LIN54: variants seen among roughly 807,000 people sequenced by gnomAD.
LIN54 encodes the protein protein lin-54 homolog.
LIN54 carries 9 observed loss-of-function variants against 78.7 expected under a neutral mutation model. The observed-to-expected ratio is 0.11, with a 90% CI of 0.07 to 0.20. LIN54 has a LOEUF of 0.20. LIN54 is among the 10% of genes least tolerant of loss of function. The probability of loss-of-function intolerance (pLI) is 1.00; values close to 1 mark genes in which losing one functional copy is unlikely to be tolerated. For synonymous variants in LIN54, 269 were observed against 318.4 expected (o/e 0.84, Z 1.65); for missense variants, 573 against 889.9 (o/e 0.64, Z 4.53).
upstream of LIN54, chr4:83,010,957 G>A: frequency 8.4e-6 from 6 of 714,448 alleles, no homozygotes; most frequent in South Asian, 7.0e-5. Context: ...CACGGGCTAC[G>A]CCGAGACCTT....
chr4:82,935,369 A>G (rs915098098), intron 11 of LIN54, among the ~76,000 whole-genome samples: 1 of 151,368 alleles, frequency 6.6e-6, no homozygotes, highest in African/African-American at 2.4e-5. Context: ...GCTCACTGCA[A>G]TCTCCACCTC....
At chr4:82,932,747 C>T (rs1228858360) in intron 11 of LIN54, among the ~76,000 whole-genome samples, 1 of 151,862 alleles carries the variant, frequency 6.6e-6, no homozygotes, top group Non-Finnish European at 1.5e-5. Flanking sequence ...ATCGCTTGAA[C>T]CCGGGAGGCG....
chr4:82,942,592 AG>A (rs1722994823), intron 5 of LIN54, among the ~76,000 whole-genome samples: 1 of 152,168 alleles, frequency 6.6e-6, no homozygotes, highest in African/African-American at 2.4e-5. Context: ...CAATGCTAGA[AG>A]GAATTAAAAG....
chr4:82,985,232 A>T (rs1474248974), intron 1 of LIN54, among the ~76,000 whole-genome samples: 2 of 152,140 alleles, frequency 1.3e-5, no homozygotes, highest in Non-Finnish European at 2.9e-5. Context: ...TTCTACCCAG[A>T]TTTTTTTCCT....
At chr4:82,946,535 AT>A in intron 4 of LIN54, 61 bp from the exon 5 acceptor site, 2 of 1,288,858 alleles carry the variant, frequency 1.6e-6, no homozygotes, top group Non-Finnish European at 2.2e-6. Context: ...ACTATTTTTA[AT>A]TTATAACCAT....
Position 82,991,114 on chromosome 4 carries a change from T to C in LIN54, c.-32-6238A>G, listed in dbSNP as rs1443691193. 5.1e-5 allele frequency among the ~76,000 whole-genome samples: 7 copies of C among 136,820 alleles called. No individual in the cohort carries two copies. In the Admixed American group the frequency reaches 5.8e-4, roughly 11 times the overall value. 89.8% of individuals were successfully genotyped at this position (136,820 alleles called of 152,430 possible). Reference sequence around the variant, plus strand: ...AGTTCAAGGCTGCAGTGCACCACTGTACTCCAGCCTGGGCAACACAGTGAC... The same window carrying C: ...AGTTCAAGGCTGCAGTGCACCACTGCACTCCAGCCTGGGCAACACAGTGAC... On this transcript the variant is annotated intron_variant, in intron 1 of 12. Coordinates refer to ENST00000340417, the MANE Select transcript of LIN54 (RefSeq NM_194282.4).
At chr4:82,989,120 G>A (rs1199574226) in intron 1 of LIN54, among the ~76,000 whole-genome samples, 2 of 151,884 alleles carry the variant, frequency 1.3e-5, no homozygotes, top group South Asian at 2.1e-4. Context: ...CCCGGGAGGC[G>A]GAGCTTGCAG....
At chr4:82,939,856 G>A in intron 6 of LIN54, 33 bp downstream of exon 6, 1 of 1,595,358 alleles carries the variant, frequency 6.3e-7, no homozygotes, top group Admixed American at 1.7e-5. Context: ...GTCTATTTGG[G>A]AAAGACTGAG....
intron 1 of LIN54, among the ~76,000 whole-genome samples, chr4:83,005,568 T>C (rs1435284938): frequency 1.4e-5 from 2 of 146,594 alleles, no homozygotes. Flanking sequence ...GAGGTTGCAG[T>C]GAGCCAAGAT....
At chr4:83,000,047 C>T (rs1728621606) in intron 1 of LIN54, among the ~76,000 whole-genome samples, 1 of 151,948 alleles carries the variant, frequency 6.6e-6, no homozygotes, top group African/African-American at 2.4e-5. Flanking sequence ...CGCATGCCAT[C>T]ACACCTGGCT....
At chr4:83,008,151 T>C (rs1030144826) in intron 1 of LIN54, among the ~76,000 whole-genome samples, 6 of 152,130 alleles carry the variant, frequency 3.9e-5, no homozygotes, top group African/African-American at 1.2e-4. Flanking sequence ...ATCTCTGAGA[T>C]TGTCATTATC....
chr4:82,947,235 A>ATATATTT lies in LIN54; in HGVS notation c.952-762_952-761insAAATATA. 5.8e-3 allele frequency among the ~76,000 whole-genome samples: 255 copies of ATATATTT among 44,260 alleles called. 6 individuals carry two copies. Among genetic ancestry groups the ATATATTT allele is most frequent in the Middle Eastern group, 0.038 (1 of 26 alleles). 29.0% of individuals were successfully genotyped at this position (44,260 alleles called of 152,430 possible). ...TATATATATATATATATATATATATATTTTTTTTTTTTTTGAAGACAGGGT... is the reference window on the plus strand; with the variant it reads ...TATATATATATATATATATATATATATATATTTTTTTTTTTTTTTTTGAAGACAGGGT... On this transcript the variant is annotated intron_variant, in intron 4 of 12. Transcript: ENST00000340417.
At chr4:82,974,876 A>G (rs913069034) in intron 3 of LIN54, among the ~76,000 whole-genome samples, 2 of 151,860 alleles carry the variant, frequency 1.3e-5, no homozygotes, top group Non-Finnish European at 2.9e-5. Context: ...AAAAAAAGCA[A>G]AAACGTAGAT....
At chr4:82,994,889 T>C (rs1177693752) in intron 1 of LIN54, among the ~76,000 whole-genome samples, 1 of 152,076 alleles carries the variant, frequency 6.6e-6, no homozygotes, top group Non-Finnish European at 1.5e-5. Context: ...ATTTTGAAGT[T>C]CTGTTGTCAG....
upstream of LIN54, among the ~76,000 whole-genome samples, chr4:83,012,371 G>A (rs531949981): frequency 6.6e-6 from 1 of 152,144 alleles, no homozygotes; most frequent in East Asian, 1.9e-4. Flanking sequence ...CGGGCAGTAG[G>A]GAGAGGAGGG....
chr4:83,002,669 C>T (rs1578663643), intron 1 of LIN54, among the ~76,000 whole-genome samples: 3 of 152,230 alleles, frequency 2.0e-5, no homozygotes, highest in East Asian at 3.9e-4. Flanking sequence ...GGATGAGGAC[C>T]TTTATGATGA....
chr4:82,998,850 A>G (rs1395762242), intron 1 of LIN54, among the ~76,000 whole-genome samples: 1 of 152,186 alleles, frequency 6.6e-6, no homozygotes, highest in Non-Finnish European at 1.5e-5. Context: ...AAACATATGT[A>G]AACATTGTGT....
chr4:83,008,196 C>A (rs1327266515), intron 1 of LIN54, among the ~76,000 whole-genome samples: 1 of 152,134 alleles, frequency 6.6e-6, no homozygotes, highest in Non-Finnish European at 1.5e-5. Context: ...ACTCTTAAGG[C>A]CTTCTGCAGC....
chr4:82,994,432 C>G (rs1199198714), intron 1 of LIN54, among the ~76,000 whole-genome samples: 3 of 151,898 alleles, frequency 2.0e-5, no homozygotes, highest in Non-Finnish European at 1.5e-5. Context: ...GAGTCTTGCC[C>G]TGTCACCCAT....
Sources: allele counts gnomAD v4.1 joint callset (sites outside exome capture counted in the v4.1 genomes callset), GRCh38; gene constraint gnomAD v4.1.1; transcripts MANE v1.5; gene names NCBI Gene and HGNC (gene_info 2026-07-23, HGNC 2026-07-21).